The following CYP19A1 variants were observed in gnomAD, a reference collection of about 807,000 sequenced individuals.
The protein encoded by CYP19A1 is aromatase.
Under a neutral mutation model 44.4 loss-of-function variants are expected in CYP19A1, and 32 were observed. The ratio of observed to expected loss-of-function variants is 0.72; its 90% CI spans 0.54 to 0.97. CYP19A1 has a LOEUF of 0.97. Among genes scored for constraint, CYP19A1 ranks in the 50% least tolerant of loss-of-function variants. The pLI, the probability that CYP19A1 is intolerant of heterozygous loss-of-function variation, is 0.00. For missense variants in CYP19A1, 598 were observed against 637.8 expected (o/e 0.94, Z 0.67); for synonymous variants, 212 against 215.6 (o/e 0.98, Z 0.14).
At chr15:51,325,742 G>A (rs973883799) in intron 1 of CYP19A1, among the ~76,000 whole-genome samples, 3 of 149,218 alleles carry the variant, frequency 2.0e-5, no homozygotes, top group African/African-American at 7.6e-5. Context: ...GGAGACTGAG[G>A]CAAGAGAATC....
At position 51,242,921 on chromosome 15, in the gene CYP19A1, C is replaced by T; in HGVS notation, c.-9G>A. 3 of 1,604,646 alleles carry T rather than the reference C, an allele frequency of 1.9e-6. No homozygotes were observed. Among genetic ancestry groups the T allele is most frequent in the Admixed American group, 1.7e-5 (1 of 59,990 alleles). On this transcript the variant is annotated 5_prime_UTR_variant, in exon 2 of 10. Coordinates refer to ENST00000396402, the MANE Select transcript of CYP19A1 (RefSeq NM_000103.4). ...AGCATTTCCAAAACCATCTTGTGTTCCTTGACCTCAGAGGGGGCAATTTAG... is the reference window on the plus strand; with the variant it reads ...AGCATTTCCAAAACCATCTTGTGTTTCTTGACCTCAGAGGGGGCAATTTAG...
chr15:51,259,888 A>G (rs2034650779), intron 1 of CYP19A1, among the ~76,000 whole-genome samples: 1 of 152,258 alleles, frequency 6.6e-6, no homozygotes, highest in Non-Finnish European at 1.5e-5. Flanking sequence ...GAACACCAAA[A>G]AAGTGCAATG....
At chr15:51,220,263 T>C (rs973517547) in intron 5 of CYP19A1, among the ~76,000 whole-genome samples, 3 of 152,240 alleles carry the variant, frequency 2.0e-5, no homozygotes, top group African/African-American at 7.2e-5. Context: ...CCACACACAC[T>C]GTTGCCCTCC....
chr15:51,323,338 A>C (rs962001757), intron 1 of CYP19A1, among the ~76,000 whole-genome samples: 10 of 152,208 alleles, frequency 6.6e-5, no homozygotes, highest in Admixed American at 2.0e-4. Context: ...TAAAGAATTT[A>C]AGTGCAGATG....
intron 4 of CYP19A1, among the ~76,000 whole-genome samples, chr15:51,226,090 G>GA (rs55642133): frequency 2.7e-4 from 12 of 44,432 alleles, no homozygotes; most frequent in African/African-American, 6.8e-4. Context: ...CTCTGTCTCA[G>GA]AAAAAAAAAA....
intron 3 of CYP19A1, among the ~76,000 whole-genome samples, chr15:51,230,388 G>A (rs778584062): frequency 5.9e-5 from 9 of 152,194 alleles, no homozygotes; most frequent in Non-Finnish European, 7.3e-5. Context: ...AGTGCACAGC[G>A]TTGGGTGTCT....
intron 1 of CYP19A1, among the ~76,000 whole-genome samples, chr15:51,299,938 G>T (rs905962203): frequency 6.6e-6 from 1 of 152,208 alleles, no homozygotes; most frequent in Non-Finnish European, 1.5e-5. Flanking sequence ...GGAGAGGTAG[G>T]ATTTCACTGG....
Position 51,319,231 on chromosome 15 carries a change from A to G in CYP19A1, c.-39+19264T>C, listed in dbSNP as rs116885340. On this transcript the variant is annotated intron_variant, in intron 1 of 9. Coordinates refer to ENST00000396402, the MANE Select transcript of CYP19A1 (RefSeq NM_000103.4). Reference sequence around the variant, plus strand: ...AATGTGTTCACCCAATTTTATTACAACTAAATATATTCAGCTTAGCCTAAG... The same window carrying G: ...AATGTGTTCACCCAATTTTATTACAGCTAAATATATTCAGCTTAGCCTAAG... Among the ~76,000 whole-genome samples, 102 of 152,292 alleles carry G rather than the reference A, an allele frequency of 6.7e-4. 2 individuals are homozygous for G. The East Asian group carries it at 0.017, about 25-fold the overall frequency.
intron 1 of CYP19A1, among the ~76,000 whole-genome samples, chr15:51,331,109 A>G (rs573329611): frequency 3.7e-4 from 56 of 152,308 alleles, no homozygotes; most frequent in African/African-American, 1.3e-3. Context: ...ATTCTAAACC[A>G]ATCGGGTGGT....
rs1461997412 is a variant in CYP19A1, at chr15:51,210,779, G to T, written c.*29C>A. ...TGTATGTGAACTACTGATGAGAAAT[G>T]CTCCAGAGTGGGTACTGACCAGCCT... On this transcript the variant is annotated 3_prime_UTR_variant, in exon 10 of 10. Coordinates refer to ENST00000396402, the MANE Select transcript of CYP19A1 (RefSeq NM_000103.4). The T allele has an allele frequency of 2.9e-6, 4 of 1,383,962 alleles. No homozygotes were observed. The highest frequency in any genetic ancestry group is 1.4e-5 in the African/African-American group (1 of 71,080). The allele number at this position is 1,383,962 out of a possible 1,614,324, so 85.7% of individuals were successfully genotyped here.
At chr15:51,274,784 A>T (rs1313225683) in intron 1 of CYP19A1, among the ~76,000 whole-genome samples, 1 of 152,114 alleles carries the variant, frequency 6.6e-6, no homozygotes, top group Non-Finnish European at 1.5e-5. Context: ...CCCAAATACT[A>T]TTTAGAAGAA....
intron 1 of CYP19A1, chr15:51,277,447 G>A (rs376355486): frequency 3.0e-4 from 45 of 152,096 alleles, no homozygotes; most frequent in Non-Finnish European, 2.6e-4. Context: ...GTTTTGGAAC[G>A]AATCTTTTCT....
chr15:51,221,879 C>A (rs2032113194), intron 5 of CYP19A1: 1 of 175,336 alleles, frequency 5.7e-6, no homozygotes, highest in East Asian at 1.5e-4. Context: ...GTATCACCAG[C>A]AATATTGACA....
At position 51,307,713 on chromosome 15, in the gene CYP19A1, A is replaced by G. The variant is rs553621924; in HGVS notation, c.-39+30782T>C. Among the ~76,000 whole-genome samples, 6 of 152,206 alleles carry G rather than the reference A, an allele frequency of 3.9e-5. No individual in the cohort carries two copies. The East Asian group carries it at 1.2e-3, about 29-fold the overall frequency. ...CTGGGTTTGCCTCAATTTCCTTCTC[A>G]TGGAAATAGGGCCTCAAAAGAGGAG... On this transcript the variant is annotated intron_variant, in intron 1 of 9. Coordinates refer to ENST00000396402, the MANE Select transcript of CYP19A1 (RefSeq NM_000103.4).
intron 1 of CYP19A1, among the ~76,000 whole-genome samples, chr15:51,268,851 A>G (rs1180298926): frequency 5.9e-5 from 9 of 152,188 alleles, no homozygotes; most frequent in African/African-American, 9.7e-5. Context: ...GGCCATTCAT[A>G]TATCTTTTAT....
At chr15:51,275,876 C>G (rs2035289936) in intron 1 of CYP19A1, among the ~76,000 whole-genome samples, 1 of 152,190 alleles carries the variant, frequency 6.6e-6, no homozygotes, top group Admixed American at 6.5e-5. Context: ...ATCGCCCCTA[C>G]AGCAGGACTG....
chr15:51,228,427 T>C (rs541224102), intron 3 of CYP19A1, among the ~76,000 whole-genome samples: 3 of 152,368 alleles, frequency 2.0e-5, no homozygotes, highest in African/African-American at 7.2e-5. Context: ...CCAGCAGTTT[T>C]GCCTAGTACC....
Position 51,210,512 on chromosome 15 carries a change from T to A in CYP19A1, c.*296A>T. Reference sequence around the variant, plus strand: ...CATACATTTTGTTAATGAAGGCCTATCCTTCTCAAAGCACATTTGGTGGAA... The same window carrying A: ...CATACATTTTGTTAATGAAGGCCTAACCTTCTCAAAGCACATTTGGTGGAA... On this transcript the variant is annotated 3_prime_UTR_variant, in exon 10 of 10. Transcript: ENST00000396402. 1.8e-6 allele frequency: 1 copy of A among 568,830 alleles called. No individual in the cohort carries two copies. The highest frequency in any genetic ancestry group is 3.3e-6 in the Non-Finnish European group (1 of 298,556). The allele number at this position is 568,830 out of a possible 1,614,324, so 35.2% of individuals were successfully genotyped here.
chr15:51,301,398 G>GGCA (rs1431041127), intron 1 of CYP19A1, among the ~76,000 whole-genome samples: 2 of 152,240 alleles, frequency 1.3e-5, no homozygotes, highest in Non-Finnish European at 2.9e-5. Flanking sequence ...CTTGACCAGA[G>GGCA]GCAGGCTTCA....
Sources: gnomAD v4.1 joint callset for allele counts (sites outside exome capture counted in the v4.1 genomes callset) on GRCh38, gnomAD v4.1.1 for gene constraint, MANE v1.5 for transcripts, NCBI Gene and HGNC (gene_info 2026-07-23, HGNC 2026-07-21) for gene names.